The following ENO4 variants were observed in gnomAD, a reference collection of about 807,000 sequenced individuals.
ENO4 encodes enolase 4, also known as 2-phospho-D-glycerate hydro-lyase.
A neutral mutation model predicts 63.2 loss-of-function variants in ENO4; 53 were observed. The observed-to-expected ratio is 0.84, with a 90% CI of 0.67 to 1.05. The LOEUF (loss-of-function observed/expected upper bound fraction) is 1.05. Among genes scored for constraint, ENO4 ranks in the 50% least tolerant of loss-of-function variants. ENO4 has a pLI of 0.00. For synonymous variants in ENO4, 266 were observed against 283.8 expected (o/e 0.94, Z 0.63); for missense variants, 719 against 772.0 (o/e 0.93, Z 0.81).
chr10:116,878,807 G>A (rs549480246), intron 11 of ENO4, among the ~76,000 whole-genome samples: 10 of 146,280 alleles, frequency 6.8e-5, no homozygotes, highest in South Asian at 4.4e-4. Flanking sequence ...GCAGTGGCGC[G>A]ATCTCAGCTC....
intron 7 of ENO4, among the ~76,000 whole-genome samples, chr10:116,865,023 G>A (rs1846514671): frequency 6.6e-6 from 1 of 152,008 alleles, no homozygotes; most frequent in East Asian, 1.9e-4. Flanking sequence ...CCGTCTCGGG[G>A]GGAAAGAAAG....
At chr10:116,905,311 C>T (rs898545082) in intron 10 of ENO4, among the ~76,000 whole-genome samples, 2 of 151,354 alleles carry the variant, frequency 1.3e-5, no homozygotes, top group African/African-American at 2.4e-5. Context: ...AAATGAATAA[C>T]GATTATATGT....
intron 3 of ENO4, 66 bp downstream of exon 3, chr10:116,856,748 T>C: frequency 5.2e-6 from 7 of 1,349,466 alleles, no homozygotes; most frequent in Non-Finnish European, 6.8e-6. Context: ...ACGCCTGTAA[T>C]CCCAGCACTT....
chr10:116,874,272 T>C (rs1227976336), intron 10 of ENO4, 71 bp downstream of exon 10: 8 of 1,190,682 alleles, frequency 6.7e-6, no homozygotes, highest in African/African-American at 4.6e-5. Flanking sequence ...TCACCTTTTA[T>C]ATTTTATAAC....
In ENO4 at chr10:116,871,174, G is replaced by A. The variant is rs549519008; in HGVS notation, c.1097G>A (p.Cys366Tyr). 10 of 1,550,444 alleles carry A rather than the reference G, an allele frequency of 6.4e-6. No individual in the cohort carries two copies. In the East Asian group the frequency reaches 1.7e-4, roughly 27 times the overall value. Reference sequence around the variant, plus strand: ...CATCTTGGCTGTTTAACCATTAACTGTGACTCCATAGAACAGCCACTGCTT... The same window carrying A: ...CATCTTGGCTGTTTAACCATTAACTATGACTCCATAGAACAGCCACTGCTT... ...MSHLGCLTIN[C>Y]DSIEQPLLLI... The change falls in exon 9 of 14, where the codon TGT (cysteine) becomes TAT (tyrosine). Residue 366 changes from cysteine to tyrosine, a missense_variant. Cys to Tyr is a radical substitution (Grantham distance 194). Transcript: ENST00000341276.
At chr10:116,858,760 T>G (rs1490385157) in intron 3 of ENO4, among the ~76,000 whole-genome samples, 1 of 152,234 alleles carries the variant, frequency 6.6e-6, no homozygotes, top group Admixed American at 6.5e-5. Context: ...AATGAGCACC[T>G]GAAATCTTTA....
downstream of ENO4, chr10:116,886,713 T>C: frequency 9.0e-7 from 1 of 1,108,042 alleles, no homozygotes; most frequent in Non-Finnish European, 1.3e-6. Flanking sequence ...TGCCAGCCAT[T>C]TAAAAGAAAA....
intron 6 of ENO4, 67 bp downstream of exon 6, chr10:116,861,257 ACTCCGTCATTGATGAAC>A: frequency 4.9e-6 from 2 of 405,864 alleles, no homozygotes; most frequent in Non-Finnish European, 7.5e-6. Flanking sequence ...ATATATATAT[ACTCCGTCATTGATGAAC>A]TTTTAGTGGG....
chr10:116,909,379 A>T (rs1014185138), intron 10 of ENO4, among the ~76,000 whole-genome samples: 1 of 152,218 alleles, frequency 6.6e-6, no homozygotes, highest in Non-Finnish European at 1.5e-5. Context: ...GAAAAGACCC[A>T]TAATACAATT....
chr10:116,888,891 G>GA (rs918858229), intron 10 of ENO4, among the ~76,000 whole-genome samples: 1 of 152,234 alleles, frequency 6.6e-6, no homozygotes, highest in African/African-American at 2.4e-5. Context: ...CAGGTGAGGA[G>GA]ATTCTAGGAA....
intron 10 of ENO4, among the ~76,000 whole-genome samples, chr10:116,908,540 A>G (rs533712433): frequency 1.9e-4 from 29 of 152,312 alleles, no homozygotes; most frequent in South Asian, 8.3e-4. Context: ...TACCATCTCT[A>G]TCATTTGTAA....
exon 11 of ENO4, chr10:116,911,653 C>G: frequency 6.4e-7 from 1 of 1,566,542 alleles, no homozygotes; most frequent in East Asian, 2.3e-5. Context: ...TAAGCACGAT[C>G]AAATAAACTG....
downstream of ENO4, among the ~76,000 whole-genome samples, chr10:116,886,894 A>G (rs1847181641): frequency 6.6e-6 from 1 of 152,152 alleles, no homozygotes; most frequent in Non-Finnish European, 1.5e-5. Flanking sequence ...TGAACTTCTC[A>G]CAGCCTGCTG....
At chr10:116,862,158 T>C (rs1362036225) in intron 6 of ENO4, among the ~76,000 whole-genome samples, 1 of 152,266 alleles carries the variant, frequency 6.6e-6, no homozygotes. Context: ...CTGTGACATG[T>C]ATTGTGGGAA....
At chr10:116,868,390 C>G (rs934044916) in intron 7 of ENO4, among the ~76,000 whole-genome samples, 1 of 152,104 alleles carries the variant, frequency 6.6e-6, no homozygotes, top group East Asian at 1.9e-4. Flanking sequence ...GTACACACAC[C>G]CCATATATGT....
chr10:116,879,372 G>C lies in ENO4; in HGVS notation c.1605+14G>C, dbSNP rs778703144. On this transcript the variant is annotated intron_variant, in intron 12 of 13. Transcript: ENST00000341276. ...CTTGTCGATTTGGTAAGTGCTGAAT[G>C]CTGGTCAACTGCCAAACACTGCTTT... The C allele has an allele frequency of 4.0e-4, 612 of 1,539,554 alleles. No individual in the cohort carries two copies. The highest frequency in any genetic ancestry group is 5.1e-4 in the Non-Finnish European group (586 of 1,139,148).
At chr10:116,874,970 G>A (rs748708089) in intron 10 of ENO4, among the ~76,000 whole-genome samples, 8 of 152,170 alleles carry the variant, frequency 5.3e-5, no homozygotes, top group East Asian at 1.9e-4. Context: ...CACTGTGCCC[G>A]ACCTGCAAAG....
At chr10:116,897,430 A>G (rs1847561538) in intron 10 of ENO4, among the ~76,000 whole-genome samples, 1 of 152,092 alleles carries the variant, frequency 6.6e-6, no homozygotes, top group Non-Finnish European at 1.5e-5. Context: ...GCTGAAAGGG[A>G]CTCTGTACAG....
At chr10:116,886,573 G>A, downstream of ENO4, 2 of 1,613,418 alleles carry the variant, frequency 1.2e-6, no homozygotes. Context: ...AGGCCTATGA[G>A]ATGAAGAGTT....
Sources: allele counts gnomAD v4.1 joint callset (sites outside exome capture counted in the v4.1 genomes callset), GRCh38; gene constraint gnomAD v4.1.1; transcripts MANE v1.5; gene names NCBI Gene and HGNC (gene_info 2026-07-23, HGNC 2026-07-21).